Variants in ALK observed in about 807,000 individuals in gnomAD.
ALK encodes ALK receptor tyrosine kinase.
In ALK, 74 loss-of-function variants were observed where a neutral mutation model predicts 163.1. The observed-to-expected ratio is 0.45, with a 90% CI of 0.38 to 0.55. The LOEUF (loss-of-function observed/expected upper bound fraction) is 0.55, where lower values mean the gene tolerates loss of function less well. ALK is among the 20% of genes least tolerant of loss of function. The pLI, the probability that ALK is intolerant of heterozygous loss-of-function variation, is 0.00. For missense variants in ALK, 2,063 were observed against 2,105.3 expected, an observed-to-expected ratio of 0.98 and a Z score of 0.39; for synonymous variants, 960 against 843.2, an observed-to-expected ratio of 1.14 and a Z score of -2.40.
intron 4 of ALK, among the ~76,000 whole-genome samples, chr2:29,462,820 C>T (rs554789674): frequency 7.9e-5 from 12 of 152,148 alleles, no homozygotes; most frequent in African/African-American, 2.9e-4. Flanking sequence ...TGTTATAAAG[C>T]AAATCATTAT....
chr2:29,345,569 G>A (rs1366107819), intron 5 of ALK, among the ~76,000 whole-genome samples: 1 of 151,894 alleles, frequency 6.6e-6, no homozygotes, highest in African/African-American at 2.4e-5. Flanking sequence ...TATGTTTTAA[G>A]AACCTTAAAA....
chr2:29,573,154 G>C (rs368650632), intron 3 of ALK, among the ~76,000 whole-genome samples: 14 of 152,336 alleles, frequency 9.2e-5, no homozygotes, highest in African/African-American at 3.1e-4. Flanking sequence ...AAACAAGACT[G>C]TGGCTCCCTG....
intron 3 of ALK, among the ~76,000 whole-genome samples, chr2:29,694,109 G>C (rs1296836418): frequency 6.6e-6 from 1 of 152,134 alleles, no homozygotes; most frequent in Non-Finnish European, 1.5e-5. Context: ...ATTTGGCTTG[G>C]TGAGACATAA....
intron 4 of ALK, among the ~76,000 whole-genome samples, chr2:29,448,885 A>T (rs1018943394): frequency 6.6e-6 from 1 of 152,190 alleles, no homozygotes; most frequent in African/African-American, 2.4e-5. Flanking sequence ...TTCTGGTTTA[A>T]ACCCTGTCCA....
chr2:29,263,695 C>T (rs1665143820), intron 11 of ALK, among the ~76,000 whole-genome samples: 1 of 152,080 alleles, frequency 6.6e-6, no homozygotes, highest in Admixed American at 6.6e-5. Flanking sequence ...TTTTTGTCTG[C>T]AATGCAGTCA....
intron 26 of ALK, among the ~76,000 whole-genome samples, chr2:29,201,105 A>G (rs1378856813): frequency 6.6e-6 from 1 of 151,714 alleles, no homozygotes; most frequent in Non-Finnish European, 1.5e-5. Context: ...AAAAAAAAAC[A>G]TTGTGGAAGA....
At chr2:29,530,308 G>C (rs1673088965) in intron 4 of ALK, among the ~76,000 whole-genome samples, 1 of 152,176 alleles carries the variant, frequency 6.6e-6, no homozygotes, top group Non-Finnish European at 1.5e-5. Context: ...TCATACCCGA[G>C]GAGTTATTTT....
chr2:29,543,142 T>G (rs1186032166), intron 3 of ALK, among the ~76,000 whole-genome samples: 2 of 152,152 alleles, frequency 1.3e-5, no homozygotes. Flanking sequence ...GACAGAAGTT[T>G]TTATACTATG....
chr2:29,748,449 G>C (rs1314256054), intron 1 of ALK, among the ~76,000 whole-genome samples: 2 of 152,278 alleles, frequency 1.3e-5, no homozygotes, highest in South Asian at 4.1e-4. Flanking sequence ...TGGAAATGCA[G>C]GTTCTGATTA....
chr2:29,569,300 GAGCAGC>G (rs6146696), intron 3 of ALK, among the ~76,000 whole-genome samples: 3 of 151,140 alleles, frequency 2.0e-5, no homozygotes, highest in East Asian at 2.0e-4. Flanking sequence ...GCTGCAGCAG[GAGCAGC>G]AGCAGCAGCA....
chr2:29,453,387 T>A (rs1473675815), intron 4 of ALK, among the ~76,000 whole-genome samples: 2 of 151,904 alleles, frequency 1.3e-5, no homozygotes, highest in African/African-American at 4.8e-5. Flanking sequence ...TGCACCAACA[T>A]GCCTGGCAAT....
intron 4 of ALK, among the ~76,000 whole-genome samples, chr2:29,494,645 G>A (rs1040747347): frequency 4.6e-5 from 7 of 152,104 alleles, no homozygotes; most frequent in African/African-American, 1.4e-4. Context: ...AAAGGGGTGA[G>A]TTGTGCTAGC....
At chr2:29,442,309 A>T (rs1043774672) in intron 4 of ALK, among the ~76,000 whole-genome samples, 436 of 11,870 alleles carry the variant, frequency 0.037, 1 homozygote, top group Non-Finnish European at 0.25. Flanking sequence ...TGATAAATTA[A>T]AAAAAAAAAA....
chr2:29,450,343 A>G (rs1181960702), intron 4 of ALK, among the ~76,000 whole-genome samples: 1 of 152,160 alleles, frequency 6.6e-6, no homozygotes, highest in East Asian at 1.9e-4. Flanking sequence ...GAGGGTTTTT[A>G]GAACATTTGC....
rs1282587233 is a variant in ALK, at chr2:29,602,196, C to G, written c.953-70080G>C. On this transcript the variant is annotated intron_variant, in intron 3 of 28. Transcript: ENST00000389048. ...CATTTTCCTGGGGAAAATGGCTTGA[C>G]TTGTCCTTATTCTCACAGAACAAGC... Among the ~76,000 whole-genome samples the G allele has an allele frequency of 3.9e-5, 6 of 152,154 alleles. No homozygotes were observed. The East Asian group carries it at 1.2e-3, about 30-fold the overall frequency.
At chr2:29,694,693 G>A (rs911380382) in intron 3 of ALK, among the ~76,000 whole-genome samples, 157 bp downstream of exon 3, 18 of 152,172 alleles carry the variant, frequency 1.2e-4, no homozygotes, top group African/African-American at 4.3e-4. Flanking sequence ...TCCCCTCCTT[G>A]CATGGCCCAA....
At chr2:29,577,972 T>C (rs1006948179) in intron 3 of ALK, among the ~76,000 whole-genome samples, 6 of 152,230 alleles carry the variant, frequency 3.9e-5, no homozygotes, top group South Asian at 2.1e-4. Flanking sequence ...CCTAGTTGCA[T>C]TGGGCTCTTT....
At chr2:29,635,147 G>A (rs576504988) in intron 3 of ALK, among the ~76,000 whole-genome samples, 1 of 152,234 alleles carries the variant, frequency 6.6e-6, no homozygotes, top group South Asian at 2.1e-4. Flanking sequence ...CTACATAAAT[G>A]GAAAGAATAC....
intron 4 of ALK, among the ~76,000 whole-genome samples, chr2:29,469,820 C>A (rs928872440): frequency 6.6e-6 from 1 of 152,116 alleles, no homozygotes. Flanking sequence ...TGAAACTTCT[C>A]TGAAGAACAA....
Sources: allele counts gnomAD v4.1 joint callset (sites outside exome capture counted in the v4.1 genomes callset), GRCh38; gene constraint gnomAD v4.1.1; transcripts MANE v1.5; gene names NCBI Gene and HGNC (gene_info 2026-07-23, HGNC 2026-07-21).